The following MARCHF1 variants were observed in gnomAD, a reference collection of about 807,000 sequenced individuals.
The protein encoded by MARCHF1 is membrane associated ring-CH-type finger 1, also known as E3 ubiquitin-protein ligase MARCHF1.
A neutral mutation model predicts 54.2 loss-of-function variants in MARCHF1; 40 were observed. That is an observed-to-expected ratio of 0.74 (90% CI 0.57 to 0.96). MARCHF1 has a LOEUF of 0.96. Among genes scored for constraint, MARCHF1 ranks in the 40% least tolerant of loss-of-function variants. The pLI is 0.00. For synonymous variants in MARCHF1, 236 were observed against 236.3 expected (o/e 1.00, Z 0.01); for missense variants, 586 against 656.5 (o/e 0.89, Z 1.17).
chr4:164,342,374 A>G (rs1326489731), intron 1 of MARCHF1, among the ~76,000 whole-genome samples: 1 of 152,106 alleles, frequency 6.6e-6, no homozygotes, highest in Non-Finnish European at 1.5e-5. Context: ...GTATAAGTTC[A>G]TACAGCTCTC....
intron 1 of MARCHF1, among the ~76,000 whole-genome samples, chr4:164,291,585 T>C (rs964096754): frequency 2.6e-5 from 4 of 152,006 alleles, no homozygotes; most frequent in Non-Finnish European, 5.9e-5. Flanking sequence ...GTATGTGCAC[T>C]TCCACAAACC....
At position 163,866,503 on chromosome 4, in the gene MARCHF1, A is replaced by G. The variant is rs988839029; in HGVS notation, c.-38-12334T>C. Among the ~76,000 whole-genome samples the G allele has an allele frequency of 2.2e-4, 24 of 107,858 alleles. 1 individual carries two copies. The highest frequency in any genetic ancestry group is 6.6e-4 in the African/African-American group (24 of 36,580). The allele number at this position is 107,858 out of a possible 152,430, so 70.8% of individuals were successfully genotyped here. A position where few individuals can be genotyped will look rare whatever the true frequency, so the allele number is the denominator to read the frequency against. ...ATATAATAGGACTGTAGTAGTTTAT[A>G]TAATATATATAATAATATATTATGA... On this transcript the variant is annotated intron_variant, in intron 3 of 9. Transcript: ENST00000514618.
chr4:163,567,814 A>G (rs1388493043), intron 8 of MARCHF1, among the ~76,000 whole-genome samples: 1 of 151,818 alleles, frequency 6.6e-6, no homozygotes, highest in African/African-American at 2.4e-5. Flanking sequence ...AATACACAAG[A>G]CTTGATTTTT....
At chr4:164,242,309 G>A (rs868003005) in intron 1 of MARCHF1, among the ~76,000 whole-genome samples, 1 of 145,258 alleles carries the variant, frequency 6.9e-6, no homozygotes, top group Admixed American at 6.9e-5. Context: ...TCCTCAAGTG[G>A]GTCCCTGACC....
At chr4:164,203,267 A>G (rs1731504718) in intron 1 of MARCHF1, among the ~76,000 whole-genome samples, 1 of 152,076 alleles carries the variant, frequency 6.6e-6, no homozygotes. Flanking sequence ...CAGGTAAGAG[A>G]AAGAAGGAAA....
intron 8 of MARCHF1, among the ~76,000 whole-genome samples, chr4:163,555,380 CAG>C (rs1739248687): frequency 2.0e-5 from 3 of 152,266 alleles, no homozygotes; most frequent in South Asian, 4.1e-4. Context: ...CGGTTTTTCA[CAG>C]AGTGAATATA....
chr4:163,606,286 T>A (rs1288606153), intron 7 of MARCHF1, among the ~76,000 whole-genome samples: 1 of 152,076 alleles, frequency 6.6e-6, no homozygotes, highest in Non-Finnish European at 1.5e-5. Flanking sequence ...TTTCTGCAAG[T>A]CTACTCTCTT....
intron 1 of MARCHF1, among the ~76,000 whole-genome samples, chr4:164,166,164 G>C (rs1730374803): frequency 6.6e-6 from 1 of 151,958 alleles, no homozygotes; most frequent in African/African-American, 2.4e-5. Context: ...CCTGGGGATA[G>C]AATTCCATCA....
intron 2 of MARCHF1, among the ~76,000 whole-genome samples, chr4:164,030,727 C>T (rs1481326638): frequency 2.0e-5 from 3 of 152,132 alleles, no homozygotes; most frequent in Non-Finnish European, 2.9e-5. Flanking sequence ...TGGAATAACA[C>T]AATATCACAC....
At chr4:163,905,159 A>G (rs943171779) in intron 3 of MARCHF1, among the ~76,000 whole-genome samples, 5 of 152,138 alleles carry the variant, frequency 3.3e-5, no homozygotes, top group African/African-American at 1.2e-4. Context: ...TGTTTCTAAC[A>G]CTACAGATGA....
At chr4:164,108,100 A>T (rs1445108871) in intron 2 of MARCHF1, among the ~76,000 whole-genome samples, 1 of 151,996 alleles carries the variant, frequency 6.6e-6, no homozygotes, top group Admixed American at 6.6e-5. Flanking sequence ...ATAGCATTTC[A>T]TTGAACTGTC....
At chr4:163,577,080 G>C (rs1740064841) in intron 8 of MARCHF1, among the ~76,000 whole-genome samples, 2 of 152,038 alleles carry the variant, frequency 1.3e-5, no homozygotes, top group African/African-American at 4.8e-5. Flanking sequence ...ATGTTGATTT[G>C]TGAGGTTTTG....
At chr4:163,618,985 G>T (rs1232335582) in intron 5 of MARCHF1, among the ~76,000 whole-genome samples, 3 of 152,132 alleles carry the variant, frequency 2.0e-5, no homozygotes, top group Non-Finnish European at 4.4e-5. Flanking sequence ...TCAAGTAGGG[G>T]ATGGCAGTCC....
At chr4:163,882,550 A>G (rs1383715773) in intron 3 of MARCHF1, among the ~76,000 whole-genome samples, 1 of 152,158 alleles carries the variant, frequency 6.6e-6, no homozygotes, top group Non-Finnish European at 1.5e-5. Context: ...TTATCTTTTT[A>G]TTTTGATTTA....
intron 2 of MARCHF1, among the ~76,000 whole-genome samples, chr4:164,002,203 A>C (rs1753198410): frequency 1.3e-5 from 2 of 151,766 alleles, no homozygotes; most frequent in South Asian, 4.1e-4. Context: ...AGACATGACT[A>C]GATATACAAA....
chr4:164,190,056 A>G, intron 1 of MARCHF1: 1 of 1,376,652 alleles, frequency 7.3e-7, no homozygotes, highest in Non-Finnish European at 1.0e-6. Flanking sequence ...CATTGATACT[A>G]CAAATGAGCT....
intron 4 of MARCHF1, among the ~76,000 whole-genome samples, chr4:163,806,823 C>T (rs568369431): frequency 3.9e-5 from 6 of 152,084 alleles, no homozygotes; most frequent in East Asian, 3.9e-4. Flanking sequence ...ACAGTGTGAT[C>T]GCTCATGATA....
chr4:163,588,448 A>G lies in MARCHF1; in HGVS notation c.1011-2519T>C, dbSNP rs1312144376. On this transcript the variant is annotated intron_variant, in intron 7 of 9. Coordinates refer to ENST00000514618, the MANE Select transcript of MARCHF1 (RefSeq NM_001394959.1). The stretch of plus-strand genomic sequence containing the variant: ...TCAACAAAATATGACTTATTACAAA[A>G]GCAGCCAGGAAAAGTAAATAGAGGC... Among the ~76,000 whole-genome samples, 5 of 152,200 alleles carry G rather than the reference A, an allele frequency of 3.3e-5. No individual in the cohort carries two copies. The East Asian group carries it at 9.6e-4, about 29-fold the overall frequency.
At chr4:164,275,611 C>G (rs2111322287) in intron 1 of MARCHF1, among the ~76,000 whole-genome samples, 1 of 152,178 alleles carries the variant, frequency 6.6e-6, no homozygotes, top group East Asian at 1.9e-4. Flanking sequence ...AAATTCCATT[C>G]AGGTACTTAA....
Sources: gnomAD v4.1 joint callset for allele counts (sites outside exome capture counted in the v4.1 genomes callset) on GRCh38, gnomAD v4.1.1 for gene constraint, MANE v1.5 for transcripts, NCBI Gene and HGNC (gene_info 2026-07-23, HGNC 2026-07-21) for gene names.